ADARB2: variants seen among roughly 807,000 people sequenced by gnomAD.
ADARB2 encodes adenosine deaminase RNA specific B2 (inactive).
In ADARB2, 25 loss-of-function variants were observed where a neutral mutation model predicts 62.2. The observed-to-expected ratio is 0.40, with a 90% CI of 0.29 to 0.56. The LOEUF (loss-of-function observed/expected upper bound fraction) is 0.56. Ranked by LOEUF, ADARB2 falls within the 20% of genes least tolerant of loss-of-function variation. The pLI is 0.43. For missense variants in ADARB2, 1,071 were observed against 1,077.4 expected, an observed-to-expected ratio of 0.99 and a Z score of 0.08; for synonymous variants, 572 against 500.8, an observed-to-expected ratio of 1.14 and a Z score of -1.90.
chr10:1,186,510 G>A (rs373354930), intron 8 of ADARB2: 4 of 518,932 alleles, frequency 7.7e-6, no homozygotes, highest in African/African-American at 1.9e-5. Context: ...TACCTGACGC[G>A]TTCCCCAAGC....
chr10:1,179,422 C>T lies in ADARB2; in HGVS notation c.*3771G>A, dbSNP rs1017166435. The T allele has an allele frequency of 1.3e-5, 2 of 152,248 alleles. No homozygotes were observed. Among genetic ancestry groups the T allele is most frequent in the African/African-American group, 4.8e-5 (2 of 41,446 alleles). 9.4% of individuals were successfully genotyped at this position (152,248 alleles called of 1,614,324 possible). On this transcript the variant is annotated 3_prime_UTR_variant, in exon 10 of 10. Coordinates refer to ENST00000381312, the MANE Select transcript of ADARB2 (RefSeq NM_018702.4). ...AAAGGAAACAATAGCTATCGACCTGCACATCCTTTCCTCAGCAAAAACAAA... is the reference window on the plus strand; with the variant it reads ...AAAGGAAACAATAGCTATCGACCTGTACATCCTTTCCTCAGCAAAAACAAA...
chr10:1,351,473 T>TC (rs1216457677), intron 3 of ADARB2, among the ~76,000 whole-genome samples: 13 of 151,800 alleles, frequency 8.6e-5, no homozygotes, highest in African/African-American at 2.7e-4. Flanking sequence ...GTACTCCTTT[T>TC]AGTTATCCCC....
chr10:1,227,104 A>G (rs1830754738), intron 6 of ADARB2, among the ~76,000 whole-genome samples: 1 of 152,240 alleles, frequency 6.6e-6, no homozygotes, highest in Non-Finnish European at 1.5e-5. Context: ...TAACTCGGCA[A>G]TGGCGGGCGC....
At chr10:1,449,939 T>C (rs1364198180) in intron 1 of ADARB2, among the ~76,000 whole-genome samples, 1 of 152,256 alleles carries the variant, frequency 6.6e-6, no homozygotes, top group Non-Finnish European at 1.5e-5. Flanking sequence ...AGGAGAGGCC[T>C]GCACAGTGCC....
chr10:1,450,422 C>T (rs1239040873), intron 1 of ADARB2, among the ~76,000 whole-genome samples: 3 of 152,220 alleles, frequency 2.0e-5, no homozygotes, highest in Admixed American at 2.0e-4. Flanking sequence ...GCCCCTGCCT[C>T]CCACTCTCGT....
intron 3 of ADARB2, among the ~76,000 whole-genome samples, chr10:1,287,023 A>G (rs1312902342): frequency 2.0e-5 from 3 of 152,210 alleles, no homozygotes; most frequent in African/African-American, 7.2e-5. Flanking sequence ...TAAAGGGTAC[A>G]TTTTGATACA....
intron 1 of ADARB2, among the ~76,000 whole-genome samples, chr10:1,586,741 A>T (rs1319914057): frequency 1.3e-5 from 2 of 152,234 alleles, no homozygotes; most frequent in African/African-American, 2.4e-5. Flanking sequence ...TCAGTGGAAA[A>T]ACATTCTCAT....
chr10:1,618,644 A>G (rs980749583), intron 1 of ADARB2, among the ~76,000 whole-genome samples: 1 of 152,098 alleles, frequency 6.6e-6, no homozygotes, highest in Non-Finnish European at 1.5e-5. Context: ...CCTGGGGCTC[A>G]GGTGATGCTC....
At chr10:1,417,660 G>A (rs1374850472) in intron 1 of ADARB2, among the ~76,000 whole-genome samples, 1 of 152,194 alleles carries the variant, frequency 6.6e-6, no homozygotes. Flanking sequence ...TTGGTGGCTG[G>A]GTGGTTTTTG....
At chr10:1,600,836 C>T (rs1385333893) in intron 1 of ADARB2, among the ~76,000 whole-genome samples, 4 of 152,002 alleles carry the variant, frequency 2.6e-5, no homozygotes, top group South Asian at 2.1e-4. Flanking sequence ...TCTCTGAGGC[C>T]CCTGTTCCAT....
At chr10:1,634,305 A>T (rs1396134582) in intron 1 of ADARB2, among the ~76,000 whole-genome samples, 1 of 152,212 alleles carries the variant, frequency 6.6e-6, no homozygotes, top group African/African-American at 2.4e-5. Context: ...CAGCACACAG[A>T]GGTGATGTTT....
intron 1 of ADARB2, among the ~76,000 whole-genome samples, chr10:1,504,401 G>A (rs1482217007): frequency 6.6e-6 from 1 of 152,182 alleles, no homozygotes; most frequent in African/African-American, 2.4e-5. Flanking sequence ...GGGAAATAAT[G>A]CATCTGGCGC....
At chr10:1,359,636 A>G (rs1470323367) in intron 3 of ADARB2, among the ~76,000 whole-genome samples, 1 of 152,204 alleles carries the variant, frequency 6.6e-6, no homozygotes. Flanking sequence ...TCACCCTTAC[A>G]GACACACTAT....
chr10:1,651,636 G>C (rs188947295), intron 1 of ADARB2, among the ~76,000 whole-genome samples: 1 of 152,222 alleles, frequency 6.6e-6, no homozygotes, highest in South Asian at 2.1e-4. Context: ...CTGTTTGGCT[G>C]TTCATCATTT....
At chr10:1,621,681 T>C (rs1378962862) in intron 1 of ADARB2, among the ~76,000 whole-genome samples, 1 of 152,198 alleles carries the variant, frequency 6.6e-6, no homozygotes, top group Non-Finnish European at 1.5e-5. Flanking sequence ...TACTGAAAAC[T>C]ACAAAACATT....
intron 2 of ADARB2, among the ~76,000 whole-genome samples, chr10:1,372,501 C>G (rs1413920532): frequency 6.6e-6 from 1 of 152,032 alleles, no homozygotes. Flanking sequence ...AATGACCTAT[C>G]AAATGTTGCA....
intron 4 of ADARB2, among the ~76,000 whole-genome samples, chr10:1,244,471 G>GA: frequency 6.6e-6 from 1 of 152,206 alleles, no homozygotes; most frequent in Non-Finnish European, 1.5e-5. Context: ...TGGAGCTGTA[G>GA]AAAAAAGCAA....
intron 1 of ADARB2, among the ~76,000 whole-genome samples, chr10:1,497,271 G>A (rs1831705429): frequency 6.6e-6 from 1 of 152,224 alleles, no homozygotes; most frequent in Admixed American, 6.5e-5. Flanking sequence ...GTTAACTGAT[G>A]GAGTCTGAGT....
At chr10:1,556,261 C>CT (rs5782583) in intron 1 of ADARB2, among the ~76,000 whole-genome samples, 1,555 of 147,362 alleles carry the variant, frequency 0.011, 19 homozygotes, top group East Asian at 0.028. Flanking sequence ...AACAAAAAGT[C>CT]TTTTTTTTTT....
Sources: gnomAD v4.1 joint callset for allele counts (sites outside exome capture counted in the v4.1 genomes callset) on GRCh38, gnomAD v4.1.1 for gene constraint, MANE v1.5 for transcripts, NCBI Gene and HGNC (gene_info 2026-07-23, HGNC 2026-07-21) for gene names.